SEMA3A: variants seen among roughly 807,000 people sequenced by gnomAD.
SEMA3A encodes semaphorin-3A.
SEMA3A carries 29 observed loss-of-function variants against 97.9 expected under a neutral mutation model. That is an observed-to-expected ratio of 0.30 (90% CI 0.22 to 0.40). SEMA3A has a LOEUF of 0.40. Ranked by LOEUF, SEMA3A falls within the 10% of genes least tolerant of loss-of-function variation. The probability of loss-of-function intolerance (pLI) is 1.00; values close to 1 mark genes in which losing one functional copy is unlikely to be tolerated. For missense variants in SEMA3A, 763 were observed against 951.3 expected (o/e 0.80, Z 2.60); for synonymous variants, 321 against 323.7 (o/e 0.99, Z 0.09).
chr7:84,278,403 C>T (rs1195557111), intron 3 of SEMA3A, among the ~76,000 whole-genome samples: 1 of 152,156 alleles, frequency 6.6e-6, no homozygotes, highest in East Asian at 1.9e-4. Flanking sequence ...CTTTCAACCT[C>T]TGCCTGTTAT....
At position 83,960,993 on chromosome 7, in the gene SEMA3A, A is replaced by C. The variant is rs754890791; in HGVS notation, c.*378T>G. 8.0e-5 allele frequency: 18 copies of C among 225,098 alleles called. No individual in the cohort carries two copies. The highest frequency in any genetic ancestry group is 1.3e-4 in the Non-Finnish European group (15 of 113,186). The allele number at this position is 225,098 out of a possible 1,614,324, so 13.9% of individuals were successfully genotyped here. A position where few individuals can be genotyped will look rare whatever the true frequency, so the allele number is the denominator to read the frequency against. ...TAGTAAATCCATGCAGTTCATTTTA[A>C]ACTTTTAGTTCAATACAATGGCTTT... On this transcript the variant is annotated 3_prime_UTR_variant, in exon 17 of 17. Coordinates refer to ENST00000265362, the MANE Select transcript of SEMA3A (RefSeq NM_006080.3).
intron 1 of SEMA3A, among the ~76,000 whole-genome samples, chr7:84,403,506 G>A (rs2116220812): frequency 6.6e-6 from 1 of 152,304 alleles, no homozygotes; most frequent in South Asian, 2.1e-4. Flanking sequence ...AATAACCTCT[G>A]CAGACTTAAA....
intron 1 of SEMA3A, among the ~76,000 whole-genome samples, chr7:84,477,090 A>ATTTTT (rs1448218394): frequency 1.4e-5 from 2 of 147,906 alleles, no homozygotes; most frequent in African/African-American, 4.9e-5. Context: ...ATATATATAT[A>ATTTTT]TATTTTTCAA....
chr7:84,204,721 G>T (rs759416144), intron 3 of SEMA3A, among the ~76,000 whole-genome samples: 1 of 152,146 alleles, frequency 6.6e-6, no homozygotes, highest in African/African-American at 2.4e-5. Context: ...AAACGCAGTA[G>T]GTTTGACCAT....
At chr7:84,017,045 T>C (rs577532394) in intron 6 of SEMA3A, among the ~76,000 whole-genome samples, 2 of 152,334 alleles carry the variant, frequency 1.3e-5, no homozygotes, top group East Asian at 3.9e-4. Flanking sequence ...CACAAATATG[T>C]GCAAGACGCC....
At chr7:84,385,966 A>C (rs1803385297) in intron 1 of SEMA3A, among the ~76,000 whole-genome samples, 1 of 152,188 alleles carries the variant, frequency 6.6e-6, no homozygotes. Context: ...GCTCACATAC[A>C]TGAACATTCT....
intron 12 of SEMA3A, among the ~76,000 whole-genome samples, chr7:83,987,850 C>T (rs138413870): frequency 1.0e-3 from 158 of 152,274 alleles, no homozygotes; most frequent in African/African-American, 3.4e-3. Flanking sequence ...AGTCTACACT[C>T]ACTGCTTTTG....
At chr7:84,207,556 CT>C (rs1486552820) in intron 3 of SEMA3A, among the ~76,000 whole-genome samples, 3 of 152,128 alleles carry the variant, frequency 2.0e-5, no homozygotes, top group African/African-American at 7.2e-5. Flanking sequence ...GAAGAAATTA[CT>C]GTGTTCTCTT....
rs185249398 is a variant in SEMA3A, at chr7:84,408,920, G to A, written c.-245-37020C>T. 3.9e-3 allele frequency among the ~76,000 whole-genome samples: 591 copies of A among 151,984 alleles called. 6 individuals are homozygous for A. The highest frequency in any genetic ancestry group is 0.014 in the African/African-American group (569 of 41,464). On this transcript the variant is annotated intron_variant, in intron 1 of 3. Coordinates refer to the SEMA3A transcript ENST00000424555. ...GGGGTTGGGGGAGCGGGGAGGGATC[G>A]CATTAGGAGATATACCTAATGCTAA...
At chr7:84,451,414 G>C (rs1376612098) in intron 1 of SEMA3A, among the ~76,000 whole-genome samples, 4 of 152,144 alleles carry the variant, frequency 2.6e-5, no homozygotes, top group Non-Finnish European at 5.9e-5. Flanking sequence ...ATTTTGCCCA[G>C]CTATCACAAA....
chr7:84,382,702 CAAAAAAAAAA>C (rs377120252), intron 1 of SEMA3A, among the ~76,000 whole-genome samples: 1 of 82,060 alleles, frequency 1.2e-5, no homozygotes, highest in Non-Finnish European at 2.3e-5. Flanking sequence ...ACTAAAAATC[CAAAAAAAAAA>C]AAAAAAAAAA....
upstream of SEMA3A, among the ~76,000 whole-genome samples, chr7:84,197,730 CTTTTTTTTTT>C (rs139403623): frequency 0.019 from 1,316 of 69,492 alleles, 19 homozygotes; most frequent in African/African-American, 0.072. Flanking sequence ...AAAGATCACT[CTTTTTTTTTT>C]TTTTTTTTTT....
chr7:84,379,401 C>A (rs1268308024), intron 1 of SEMA3A, among the ~76,000 whole-genome samples: 1 of 152,004 alleles, frequency 6.6e-6, no homozygotes, highest in South Asian at 2.1e-4. Context: ...ATGAAGTATA[C>A]GTTTATAAGG....
Position 84,269,615 on chromosome 7 carries a change from A to C in SEMA3A, c.-83+37592T>G, listed in dbSNP as rs1800093690. Among the ~76,000 whole-genome samples, 3 of 152,256 alleles carry C rather than the reference A, an allele frequency of 2.0e-5. No individual in the cohort carries two copies. The South Asian group carries it at 6.2e-4, about 31-fold the overall frequency. On this transcript the variant is annotated intron_variant, in intron 3 of 3. Coordinates refer to the SEMA3A transcript ENST00000424555. ...TTGGGGTCACCTATCTCACAAGTCA[A>C]ACATCTTGCTTCTGCAACATGATCT...
rs546362693 is a variant in SEMA3A, at chr7:84,146,399, C to T, written c.113-11448G>A. On this transcript the variant is annotated intron_variant, in intron 1 of 16. Coordinates refer to ENST00000265362, the MANE Select transcript of SEMA3A (RefSeq NM_006080.3). ...GATTTAAATATAGGTCTCCTGGCTCCACATTCGATGCTCTTTCTAAATAAC... is the reference window on the plus strand; with the variant it reads ...GATTTAAATATAGGTCTCCTGGCTCTACATTCGATGCTCTTTCTAAATAAC... 2.6e-5 allele frequency among the ~76,000 whole-genome samples: 4 copies of T among 152,194 alleles called. No homozygotes were observed. The South Asian group carries it at 8.3e-4, about 32-fold the overall frequency.
chr7:84,080,236 A>G (rs987509668), intron 4 of SEMA3A, among the ~76,000 whole-genome samples: 3 of 146,750 alleles, frequency 2.0e-5, no homozygotes, highest in African/African-American at 7.7e-5. Context: ...TAGCATTAGG[A>G]GATATCCCTA....
intron 4 of SEMA3A, among the ~76,000 whole-genome samples, chr7:84,072,563 T>C (rs1463110050): frequency 6.6e-6 from 1 of 152,144 alleles, no homozygotes. Flanking sequence ...TATTTATTTT[T>C]GAGACTTTGC....
At chr7:84,062,404 G>T (rs1407363421) in intron 4 of SEMA3A, among the ~76,000 whole-genome samples, 2 of 151,408 alleles carry the variant, frequency 1.3e-5, no homozygotes, top group African/African-American at 2.4e-5. Context: ...GAAAAATTAG[G>T]AAATAGGAGG....
At chr7:84,472,612 C>T (rs1237908285) in intron 1 of SEMA3A, among the ~76,000 whole-genome samples, 1 of 152,026 alleles carries the variant, frequency 6.6e-6, no homozygotes, top group Non-Finnish European at 1.5e-5. Flanking sequence ...TTTCAAAACA[C>T]CTTTAAATAT....
Sources: allele counts gnomAD v4.1 joint callset (sites outside exome capture counted in the v4.1 genomes callset), GRCh38; gene constraint gnomAD v4.1.1; transcripts MANE v1.5; gene names NCBI Gene and HGNC (gene_info 2026-07-23, HGNC 2026-07-21).